Variants in UBE2D3 observed in about 807,000 individuals in gnomAD.
UBE2D3 encodes ubiquitin-conjugating enzyme E2 D3.
Under a neutral mutation model 22.8 loss-of-function variants are expected in UBE2D3, and 2 were observed. The ratio of observed to expected loss-of-function variants is 0.09; its 90% CI spans 0.04 to 0.28. The LOEUF is 0.28. UBE2D3 is among the 10% of genes least tolerant of loss of function. The probability of loss-of-function intolerance (pLI) is 1.00; values close to 1 mark genes in which losing one functional copy is unlikely to be tolerated. For missense variants in UBE2D3, 27 were observed against 182.5 expected (o/e 0.15, Z 4.91); for synonymous variants, 56 against 60.4 (o/e 0.93, Z 0.34).
intron 7 of UBE2D3, chr4:102,799,044 AAATAT>A (rs1247911723): frequency 6.7e-7 from 1 of 1,481,990 alleles, no homozygotes; most frequent in African/African-American, 1.4e-5. Context: ...AGTTGAACAT[AAATAT>A]AATTCAAATA....
Position 102,795,637 on chromosome 4 carries a change from T to C in UBE2D3, c.*1778A>G, listed in dbSNP as rs891844325. The C allele has an allele frequency of 2.6e-5, 4 of 152,102 alleles. No homozygotes were observed. The highest frequency in any genetic ancestry group is 5.9e-5 in the Non-Finnish European group (4 of 67,946). The allele number at this position is 152,102 out of a possible 1,614,324, so 9.4% of individuals were successfully genotyped here. On this transcript the variant is annotated 3_prime_UTR_variant, in exon 8 of 8. Transcript: ENST00000453744. ...CATCTTCAGAAGGCATGCATTTCAC[T>C]TCCAGTTTAGAGAAGAACCTTAAGT...
intron 1 of UBE2D3, among the ~76,000 whole-genome samples, chr4:102,834,561 G>T (rs1352765735): frequency 6.6e-6 from 1 of 151,884 alleles, no homozygotes; most frequent in African/African-American, 2.4e-5. Context: ...ACCATCTTGG[G>T]CAACATGGCA....
intron 4 of UBE2D3, among the ~76,000 whole-genome samples, chr4:102,807,084 T>A (rs915568221): frequency 6.6e-6 from 1 of 152,158 alleles, no homozygotes; most frequent in Non-Finnish European, 1.5e-5. Context: ...TTCCCTACAG[T>A]CAGGAATCTT....
intron 2 of UBE2D3, among the ~76,000 whole-genome samples, 193 bp downstream of exon 2, chr4:102,826,292 C>A (rs912174771): frequency 6.6e-6 from 1 of 152,168 alleles, no homozygotes; most frequent in African/African-American, 2.4e-5. Context: ...CCTCACTTGC[C>A]ACAAGTGTTC....
intron 1 of UBE2D3, among the ~76,000 whole-genome samples, chr4:102,855,599 T>C (rs1489203016): frequency 2.0e-5 from 3 of 152,148 alleles, no homozygotes; most frequent in Non-Finnish European, 4.4e-5. Flanking sequence ...TTTTAGAATA[T>C]TGTTTATAGA....
chr4:102,798,514 C>G (rs1459658693), intron 7 of UBE2D3, among the ~76,000 whole-genome samples: 1 of 151,518 alleles, frequency 6.6e-6, no homozygotes, highest in African/African-American at 2.4e-5. Context: ...CTAATGCATG[C>G]TTGTCAGTAA....
intron 4 of UBE2D3, among the ~76,000 whole-genome samples, chr4:102,803,986 C>G (rs1726612230): frequency 6.6e-6 from 1 of 152,058 alleles, no homozygotes; most frequent in Non-Finnish European, 1.5e-5. Flanking sequence ...CCAGGCTAGT[C>G]TTGCGGCCTC....
intron 1 of UBE2D3, 69 bp downstream of exon 1, chr4:102,827,358 C>T (rs1389341280): frequency 8.1e-6 from 8 of 983,852 alleles, no homozygotes; most frequent in Admixed American, 6.1e-5. Flanking sequence ...TCCCGCACTG[C>T]CCCTCTTACC....
At chr4:102,827,935 T>C (rs1730848983), upstream of UBE2D3, 2 of 985,408 alleles carry the variant, frequency 2.0e-6, no homozygotes, top group Non-Finnish European at 1.2e-6. Flanking sequence ...CGTCCCCCAG[T>C]TTCCTCACTT....
chr4:102,794,894 G>A lies in UBE2D3; in HGVS notation c.*2521C>T, dbSNP rs1018140902. 16 of 152,064 alleles carry A rather than the reference G, an allele frequency of 1.1e-4. No homozygotes were observed. Among genetic ancestry groups the A allele is most frequent in the African/African-American group, 3.9e-4 (16 of 41,434 alleles). 9.4% of individuals were successfully genotyped at this position (152,064 alleles called of 1,614,324 possible). On this transcript the variant is annotated 3_prime_UTR_variant, in exon 8 of 8. Coordinates refer to ENST00000453744, the MANE Select transcript of UBE2D3 (RefSeq NM_181891.3). ...CCCTAATTCGGTTTATGCATTAAAA[G>A]ATTTAGGAAATACAAAGACATAGTC... is the stretch of plus-strand genomic sequence containing the variant.
At chr4:102,847,976 C>T (rs1016369401) in intron 1 of UBE2D3, among the ~76,000 whole-genome samples, 5 of 152,096 alleles carry the variant, frequency 3.3e-5, no homozygotes, top group East Asian at 1.9e-4. Flanking sequence ...ATTATTGGAA[C>T]GCTAAGCATG....
At chr4:102,830,418 A>G (rs1731058252), upstream of UBE2D3, among the ~76,000 whole-genome samples, 1 of 152,274 alleles carries the variant, frequency 6.6e-6, no homozygotes, top group South Asian at 2.1e-4. Flanking sequence ...ACATTTAGAA[A>G]TTAATAAAGG....
upstream of UBE2D3, among the ~76,000 whole-genome samples, chr4:102,830,667 C>T (rs111660926): frequency 0.012 from 1,811 of 152,210 alleles, 21 homozygotes; most frequent in African/African-American, 0.036. Flanking sequence ...AGTTTGAGAC[C>T]AGCCTGGATA....
At chr4:102,814,908 C>T (rs564837616) in intron 2 of UBE2D3, among the ~76,000 whole-genome samples, 2 of 152,116 alleles carry the variant, frequency 1.3e-5, no homozygotes, top group East Asian at 1.9e-4. Context: ...CTGAATATAC[C>T]TAATACTGAA....
rs1725657396 is a variant in UBE2D3, at chr4:102,798,836, CTT to C, written c.398+569_398+570del. ...TTCAGAAGACTGCCATATTTGTTACCTTTTGTTAGTTAATACAGTGCCTTAAC... is the reference window on the plus strand; with the variant it reads ...TTCAGAAGACTGCCATATTTGTTACCTTGTTAGTTAATACAGTGCCTTAAC... On this transcript the variant is annotated intron_variant, in intron 7 of 7. Transcript: ENST00000453744. 3 of 1,201,158 alleles carry C rather than the reference CTT, an allele frequency of 2.5e-6. No homozygotes were observed. The East Asian group carries it at 7.2e-5, about 29-fold the overall frequency. The allele number at this position is 1,201,158 out of a possible 1,614,324, so 74.4% of individuals were successfully genotyped here. A position where few individuals can be genotyped will look rare whatever the true frequency, so the allele number is the denominator to read the frequency against.
rs1428831368 is a variant in UBE2D3 at position 102,796,492 on chromosome 4, G to A, written c.*923C>T. 6.6e-6 allele frequency: 1 copy of A among 152,434 alleles called. No homozygotes were observed. The highest frequency in any genetic ancestry group is 1.5e-5 in the Non-Finnish European group (1 of 67,926). The allele number at this position is 152,434 out of a possible 1,614,324, so 9.4% of individuals were successfully genotyped here. On this transcript the variant is annotated 3_prime_UTR_variant, in exon 8 of 8. Transcript: ENST00000453744. Reference sequence around the variant, plus strand: ...TTCGAACTTTACATCATCATTTGATGTCAAACAATGAAGCAAATCCCAACA... The same window carrying A: ...TTCGAACTTTACATCATCATTTGATATCAAACAATGAAGCAAATCCCAACA...
intron 1 of UBE2D3, among the ~76,000 whole-genome samples, chr4:102,857,661 T>A (rs146327847): frequency 1.3e-5 from 2 of 152,304 alleles, no homozygotes; most frequent in East Asian, 3.9e-4. Flanking sequence ...TTTCCAGATT[T>A]CTGTAACATG....
At chr4:102,861,453 A>C (rs554783168) in intron 1 of UBE2D3, among the ~76,000 whole-genome samples, 2 of 152,124 alleles carry the variant, frequency 1.3e-5, no homozygotes, top group East Asian at 3.9e-4. Context: ...AGTAGCTCAG[A>C]GGCAAAATAT....
chr4:102,814,296 CTTTTT>C (rs35501552), intron 2 of UBE2D3, among the ~76,000 whole-genome samples: 1 of 146,130 alleles, frequency 6.8e-6, no homozygotes, highest in African/African-American at 2.5e-5. Context: ...AAGAAAATGA[CTTTTT>C]TTTTTGAGAT....
Sources: allele counts gnomAD v4.1 joint callset (sites outside exome capture counted in the v4.1 genomes callset), GRCh38; gene constraint gnomAD v4.1.1; transcripts MANE v1.5; gene names NCBI Gene and HGNC (gene_info 2026-07-23, HGNC 2026-07-21).